Variants in SLC5A1 observed in about 807,000 individuals in gnomAD.
SLC5A1 encodes the protein solute carrier family 5 member 1.
Under a neutral mutation model 73.5 loss-of-function variants are expected in SLC5A1, and 42 were observed. The ratio of observed to expected loss-of-function variants is 0.57; its 90% CI spans 0.45 to 0.74. SLC5A1 has a LOEUF of 0.74. SLC5A1 is among the 30% of genes least tolerant of loss of function. The probability of loss-of-function intolerance (pLI) is 0.00; values close to 1 mark genes in which losing one functional copy is unlikely to be tolerated. For synonymous variants in SLC5A1, 300 were observed against 317.4 expected (o/e 0.95, Z 0.58); for missense variants, 634 against 855.4 (o/e 0.74, Z 3.23).
chr22:32,056,194 G>T (rs1341981931), intron 2 of SLC5A1, among the ~76,000 whole-genome samples: 3 of 151,926 alleles, frequency 2.0e-5, no homozygotes, highest in African/African-American at 4.8e-5. Flanking sequence ...GCTAATTTTT[G>T]ATTTTTAGTA....
chr22:32,108,836 C>T (rs1371590628), intron 14 of SLC5A1, among the ~76,000 whole-genome samples: 1 of 152,140 alleles, frequency 6.6e-6, no homozygotes, highest in East Asian at 1.9e-4. Flanking sequence ...TGAACTTGGT[C>T]ACTGAGATTC....
chr22:32,049,708 C>T (rs1446912990), intron 1 of SLC5A1, among the ~76,000 whole-genome samples: 2 of 152,098 alleles, frequency 1.3e-5, no homozygotes, highest in African/African-American at 2.4e-5. Context: ...TAATTTCGCA[C>T]TAGCCCTACA....
At chr22:32,053,421 C>T (rs536505644) in intron 2 of SLC5A1, among the ~76,000 whole-genome samples, 3 of 151,442 alleles carry the variant, frequency 2.0e-5, no homozygotes, top group Admixed American at 6.6e-5. Flanking sequence ...TTTCTCTCCC[C>T]TTCATCCTTC....
rs2094054292 is a variant in SLC5A1 at position 32,110,343 on chromosome 22, A to C, written c.*130A>C. 6.8e-6 allele frequency: 5 copies of C among 730,914 alleles called. No homozygotes were observed. Among genetic ancestry groups the C allele is most frequent in the Non-Finnish European group, 1.2e-5 (5 of 402,008 alleles). The allele number at this position is 730,914 out of a possible 1,614,324, so 45.3% of individuals were successfully genotyped here. A position where few individuals can be genotyped will look rare whatever the true frequency, so the allele number is the denominator to read the frequency against. ...CAGGTGGATAAATGTGTACATGTGT[A>C]ATTATAGGCTAGCTGGAAGAAAACC... On this transcript the variant is annotated 3_prime_UTR_variant, in exon 15 of 15. Transcript: ENST00000266088.
chr22:32,055,215 G>A (rs567321986), intron 2 of SLC5A1, among the ~76,000 whole-genome samples: 104 of 152,298 alleles, frequency 6.8e-4, no homozygotes, highest in Non-Finnish European at 1.1e-3. Flanking sequence ...GGTAATGAGT[G>A]AAAGAGGACC....
rs79354955 is a variant in SLC5A1 at position 32,062,336 on chromosome 22, A to G, written c.208-4599A>G. On this transcript the variant is annotated intron_variant, in intron 2 of 14. Transcript: ENST00000266088. ...TCCCCTCCCACCAACCTTCCAGGAT[A>G]GGACATCTACGTGGTAAAATGTGAT... is the stretch of plus-strand genomic sequence containing the variant. 8.4e-3 allele frequency among the ~76,000 whole-genome samples: 1,273 copies of G among 152,350 alleles called. 7 individuals carry two copies. Among genetic ancestry groups the G allele is most frequent in the Non-Finnish European group, 0.012 (838 of 68,034 alleles).
At chr22:32,092,723 T>G (rs183433943) in intron 11 of SLC5A1, among the ~76,000 whole-genome samples, 6 of 152,236 alleles carry the variant, frequency 3.9e-5, no homozygotes, top group Admixed American at 3.9e-4. Context: ...GTTGGAAGTA[T>G]AGATTGTGAA....
chr22:32,097,638 A>T (rs2094028401), intron 11 of SLC5A1, among the ~76,000 whole-genome samples: 1 of 152,176 alleles, frequency 6.6e-6, no homozygotes, highest in Non-Finnish European at 1.5e-5. Flanking sequence ...CTCCATTATT[A>T]TGAAGAAGAA....
chr22:32,109,214 G>A (rs1283146423), intron 14 of SLC5A1, among the ~76,000 whole-genome samples: 1 of 152,054 alleles, frequency 6.6e-6, no homozygotes, highest in Non-Finnish European at 1.5e-5. Context: ...GTAAAAATGG[G>A]AAAGTGCTTT....
intron 2 of SLC5A1, among the ~76,000 whole-genome samples, chr22:32,054,430 G>A (rs2093948976): frequency 6.6e-6 from 1 of 152,164 alleles, no homozygotes; most frequent in Non-Finnish European, 1.5e-5. Flanking sequence ...TGAGTCAAGG[G>A]TGAGGTTCAG....
chr22:32,087,424 G>A (rs1374699731), intron 10 of SLC5A1, among the ~76,000 whole-genome samples: 1 of 152,118 alleles, frequency 6.6e-6, no homozygotes, highest in African/African-American at 2.4e-5. Context: ...TAAAATGAAG[G>A]CTTGAACTAG....
At position 32,068,491 on chromosome 22, in the gene SLC5A1, T is replaced by C. The variant is rs2093977796; in HGVS notation, c.373-5T>C. 2 of 1,605,592 alleles carry C rather than the reference T, an allele frequency of 1.2e-6. No homozygotes were observed. On this transcript the variant is annotated splice_region_variant and splice_polypyrimidine_tract_variant and intron_variant, in intron 4 of 14. Transcript: ENST00000266088. ...TGGCAGTGACCTCCCTCGCACCCCATGCAGGTGGTGACAATGCCAGAGTAC... is the reference window on the plus strand; with the variant it reads ...TGGCAGTGACCTCCCTCGCACCCCACGCAGGTGGTGACAATGCCAGAGTAC...
intron 2 of SLC5A1, among the ~76,000 whole-genome samples, chr22:32,054,612 A>C (rs1445728513): frequency 6.6e-6 from 1 of 152,172 alleles, no homozygotes; most frequent in Non-Finnish European, 1.5e-5. Context: ...ATGTAGGAAG[A>C]AGCTTGGGAT....
intron 1 of SLC5A1, among the ~76,000 whole-genome samples, chr22:32,046,039 T>C (rs1284834520): frequency 6.6e-6 from 1 of 152,166 alleles, no homozygotes; most frequent in Non-Finnish European, 1.5e-5. Flanking sequence ...CCTTTTTCTT[T>C]AAAGAAAAAA....
At chr22:32,108,291 CGGAGCTTCACCATGTTAGCCA>C (rs1372825550) in intron 14 of SLC5A1, among the ~76,000 whole-genome samples, 4 of 151,958 alleles carry the variant, frequency 2.6e-5, no homozygotes, top group South Asian at 2.1e-4. Context: ...TTAGTAGAGA[CGGAGCTTCACCATGTTAGCCA>C]GGATAGTCTC....
At chr22:32,085,081 C>A (rs1242278155) in intron 9 of SLC5A1, 46 bp downstream of exon 9, 1 of 1,610,612 alleles carries the variant, frequency 6.2e-7, no homozygotes, top group Non-Finnish European at 8.5e-7. Flanking sequence ...CTTTTTCTGT[C>A]TCCAAGTCAC....
At chr22:32,068,941 T>C (rs954631632) in intron 5 of SLC5A1, among the ~76,000 whole-genome samples, 5 of 152,132 alleles carry the variant, frequency 3.3e-5, no homozygotes, top group African/African-American at 1.2e-4. Flanking sequence ...GAAATAAATA[T>C]ATCGAAGAGG....
At chr22:32,109,418 C>T (rs754103191) in intron 14 of SLC5A1, among the ~76,000 whole-genome samples, 31 of 152,112 alleles carry the variant, frequency 2.0e-4, no homozygotes, top group Non-Finnish European at 3.4e-4. Context: ...TTAAGCAGTG[C>T]TGATATGTGA....
intron 1 of SLC5A1, among the ~76,000 whole-genome samples, chr22:32,044,731 G>A (rs560151332): frequency 2.0e-5 from 3 of 152,064 alleles, no homozygotes; most frequent in Non-Finnish European, 4.4e-5. Flanking sequence ...TCAGCCTCCA[G>A]TTTACTCAAC....
Sources: allele counts gnomAD v4.1 joint callset (sites outside exome capture counted in the v4.1 genomes callset), GRCh38; gene constraint gnomAD v4.1.1; transcripts MANE v1.5; gene names NCBI Gene and HGNC (gene_info 2026-07-23, HGNC 2026-07-21).